Variants in CCDC149 observed in about 807,000 individuals in gnomAD.
CCDC149 encodes coiled-coil domain-containing protein 149.
CCDC149 carries 45 observed loss-of-function variants against 59.9 expected under a neutral mutation model. The observed-to-expected ratio is 0.75, with a 90% CI of 0.59 to 0.96. The LOEUF (loss-of-function observed/expected upper bound fraction) is 0.96, where lower values mean the gene tolerates loss of function less well. Among genes scored for constraint, CCDC149 ranks in the 40% least tolerant of loss-of-function variants. The pLI, the probability that CCDC149 is intolerant of heterozygous loss-of-function variation, is 0.00. For synonymous variants in CCDC149, 245 were observed against 260.6 expected (o/e 0.94, Z 0.58); for missense variants, 584 against 664.7 (o/e 0.88, Z 1.33).
intron 4 of CCDC149, among the ~76,000 whole-genome samples, chr4:24,839,243 G>A (rs1005217677): frequency 9.3e-5 from 14 of 151,268 alleles, no homozygotes; most frequent in African/African-American, 3.4e-4. Context: ...GCAGTGGCAC[G>A]ATCTTGGCTC....
intron 1 of CCDC149, among the ~76,000 whole-genome samples, chr4:24,944,298 G>A (rs936982810): frequency 6.6e-6 from 1 of 151,036 alleles, no homozygotes; most frequent in Non-Finnish European, 1.5e-5. Flanking sequence ...CTATCGCAAG[G>A]ACTAAAAACC....
At chr4:24,831,845 C>T (rs1258878049) in intron 8 of CCDC149, among the ~76,000 whole-genome samples, 195 bp from the exon 9 acceptor site, 2 of 152,192 alleles carry the variant, frequency 1.3e-5, no homozygotes, top group Non-Finnish European at 2.9e-5. Context: ...GGAGGAAGTT[C>T]TCAGGACTTT....
At chr4:24,916,154 C>T (rs1722113771), upstream of CCDC149, among the ~76,000 whole-genome samples, 1 of 152,132 alleles carries the variant, frequency 6.6e-6, no homozygotes, top group African/African-American at 2.4e-5. Context: ...TTTTCACATC[C>T]CCTTGGCTTT....
chr4:24,944,754 G>GTAAAA (rs1300326365), intron 1 of CCDC149, among the ~76,000 whole-genome samples: 3 of 152,110 alleles, frequency 2.0e-5, no homozygotes, highest in Non-Finnish European at 4.4e-5. Flanking sequence ...AGAACTTAAA[G>GTAAAA]TAAAATAAAA....
At chr4:24,953,839 GA>G (rs905083140) in intron 1 of CCDC149, among the ~76,000 whole-genome samples, 2 of 152,060 alleles carry the variant, frequency 1.3e-5, no homozygotes, top group Admixed American at 6.6e-5. Context: ...CAAGAAGAGA[GA>G]AAAGCTAAAA....
rs5856868 is a variant in CCDC149, at chr4:24,874,244, G to GTTTTTTTTTTTTTTTTTTTTTTT, written c.226-526_226-525insAAAAAAAAAAAAAAAAAAAAAAA. On this transcript the variant is annotated intron_variant, in intron 2 of 12. Coordinates refer to ENST00000635206, the MANE Select transcript of CCDC149 (RefSeq NM_001330643.2). ...GAGAACTTCTAGTCCTATTAGATTT[G>GTTTTTTTTTTTTTTTTTTTTTTT]TTTTTTTTTTTTTTTGTTTTGTTTT... is the stretch of plus-strand genomic sequence containing the variant. Among the ~76,000 whole-genome samples, 19 of 87,486 alleles carry GTTTTTTTTTTTTTTTTTTTTTTT rather than the reference G, an allele frequency of 2.2e-4. 2 individuals carry two copies. Among genetic ancestry groups the GTTTTTTTTTTTTTTTTTTTTTTT allele is most frequent in the African/African-American group, 1.0e-3 (18 of 17,172 alleles). The allele number at this position is 87,486 out of a possible 152,430, so 57.4% of individuals were successfully genotyped here.
chr4:24,851,202 T>C (rs1717631351), intron 4 of CCDC149, among the ~76,000 whole-genome samples: 2 of 152,222 alleles, frequency 1.3e-5, no homozygotes, highest in Non-Finnish European at 2.9e-5. Context: ...TGCTCAGTGT[T>C]ACACACATAA....
upstream of CCDC149, among the ~76,000 whole-genome samples, chr4:24,915,060 G>A (rs1368978602): frequency 1.3e-5 from 2 of 152,218 alleles, no homozygotes; most frequent in South Asian, 2.1e-4. Context: ...GGGCTAGAAT[G>A]CAGCTAAAGC....
At chr4:24,817,646 G>A (rs1560199643) in intron 12 of CCDC149, among the ~76,000 whole-genome samples, 1 of 151,752 alleles carries the variant, frequency 6.6e-6, no homozygotes, top group East Asian at 2.0e-4. Context: ...CAGATGGGCG[G>A]TTCCGGTTCT....
chr4:24,860,426 C>T (rs60387830), intron 3 of CCDC149, among the ~76,000 whole-genome samples: 3,927 of 152,218 alleles, frequency 0.026, 160 homozygotes, highest in African/African-American at 0.089. Flanking sequence ...CATCTCTCAC[C>T]TTATACAAAA....
At chr4:24,842,247 T>C (rs1397793533) in intron 4 of CCDC149, among the ~76,000 whole-genome samples, 1 of 152,210 alleles carries the variant, frequency 6.6e-6, no homozygotes, top group Non-Finnish European at 1.5e-5. Flanking sequence ...AAATAATAAA[T>C]GTTAGGGACT....
chr4:24,969,067 A>G (rs1723886353), intron 1 of CCDC149, among the ~76,000 whole-genome samples: 1 of 152,236 alleles, frequency 6.6e-6, no homozygotes, highest in Admixed American at 6.5e-5. Flanking sequence ...TGCGAGGGGT[A>G]AACTGATGAG....
intron 1 of CCDC149, among the ~76,000 whole-genome samples, chr4:24,881,541 A>G (rs890505252): frequency 6.6e-6 from 1 of 152,208 alleles, no homozygotes; most frequent in Non-Finnish European, 1.5e-5. Flanking sequence ...ACTTTGTGTG[A>G]TCCAGAAAAA....
chr4:24,831,042 T>G (rs776277536), intron 9 of CCDC149: 7 of 154,260 alleles, frequency 4.5e-5, no homozygotes, highest in Non-Finnish European at 7.2e-5. Flanking sequence ...ACCATCTTTT[T>G]TGTGGATCTG....
intron 1 of CCDC149, among the ~76,000 whole-genome samples, chr4:24,944,994 A>G (rs1723064939): frequency 1.3e-5 from 2 of 152,192 alleles, no homozygotes; most frequent in Non-Finnish European, 2.9e-5. Context: ...CATGTTTTAT[A>G]TGAGAACTGA....
intron 1 of CCDC149, among the ~76,000 whole-genome samples, chr4:24,931,840 T>TATATATATATATATATATATATAC (rs745597767): frequency 1.4e-5 from 2 of 140,126 alleles, no homozygotes; most frequent in Non-Finnish European, 3.1e-5. Context: ...TATATATATA[T>TATATATATATATATATATATATAC]ATATATATAT....
At position 24,950,438 on chromosome 4, in the gene CCDC149, A is replaced by G. The variant is rs1031696379; in HGVS notation, c.-65+29631T>C. On this transcript the variant is annotated intron_variant, in intron 1 of 12. Transcript: ENST00000389609. ...ATGTTAGTTGTTATTACTCAACATC[A>G]CTTTACTATTTTCATTTCAGTATGG... is the stretch of plus-strand genomic sequence containing the variant. 3.3e-5 allele frequency among the ~76,000 whole-genome samples: 5 copies of G among 152,220 alleles called. No individual in the cohort carries two copies. In the East Asian group the frequency reaches 9.6e-4, roughly 29 times the overall value.
intron 3 of CCDC149, among the ~76,000 whole-genome samples, chr4:24,870,747 G>A (rs928358690): frequency 6.6e-6 from 1 of 152,104 alleles, no homozygotes; most frequent in African/African-American, 2.4e-5. Context: ...TAAAATAGCA[G>A]CAAAGGTGCT....
At chr4:24,842,279 A>ATCC (rs1442465595) in intron 4 of CCDC149, among the ~76,000 whole-genome samples, 3 of 152,182 alleles carry the variant, frequency 2.0e-5, no homozygotes, top group African/African-American at 7.2e-5. Flanking sequence ...TGTAATTATC[A>ATCC]TCCTCCTCCT....
Sources: gnomAD v4.1 joint callset for allele counts (sites outside exome capture counted in the v4.1 genomes callset) on GRCh38, gnomAD v4.1.1 for gene constraint, MANE v1.5 for transcripts, NCBI Gene and HGNC (gene_info 2026-07-23, HGNC 2026-07-21) for gene names.